ST3GAL1: variants seen among roughly 807,000 people sequenced by gnomAD.
ST3GAL1 encodes ST3 beta-galactoside alpha-2,3-sialyltransferase 1.
A neutral mutation model predicts 34.1 loss-of-function variants in ST3GAL1; 16 were observed. The ratio of observed to expected loss-of-function variants is 0.47; its 90% confidence interval spans 0.32 to 0.71. The LOEUF is 0.71. Ranked by LOEUF, ST3GAL1 falls within the 30% of genes least tolerant of loss-of-function variation. ST3GAL1 has a pLI of 0.04. For synonymous variants in ST3GAL1, 191 were observed against 184.7 expected, an observed-to-expected ratio of 1.03 and a Z score of -0.28; for missense variants, 353 against 447.4, an observed-to-expected ratio of 0.79 and a Z score of 1.90.
rs1563691496 is a variant in ST3GAL1 at position 133,459,701 on chromosome 8, C to T, written c.*63G>A. 6 of 1,538,282 alleles carry T rather than the reference C, an allele frequency of 3.9e-6. No individual in the cohort carries two copies. The highest frequency in any genetic ancestry group is 4.4e-6 in the Non-Finnish European group (5 of 1,137,880). ...AAGCTCCGGGATGGAACGGCTCCAG[C>T]AAGATGCTGGGGCTGGAAATGCAGA... On this transcript the variant is annotated 3_prime_UTR_variant, in exon 10 of 10. Coordinates refer to ENST00000522652, the MANE Select transcript of ST3GAL1 (RefSeq NM_173344.3). The surrounding 1 kb of genome is among the most constrained non-coding windows in gnomAD (Gnocchi z 4.7).
chr8:133,462,836 G>A lies in ST3GAL1; in HGVS notation c.729+578C>T, dbSNP rs148048085. On this transcript the variant is annotated intron_variant, in intron 8 of 9. Coordinates refer to ENST00000522652, the MANE Select transcript of ST3GAL1 (RefSeq NM_173344.3). ...AAAGGGCAAGATGCTGGAGGCACGG[G>A]GAGTCTTCAATTCTAGCCTTATCCA... 2.4e-3 allele frequency among the ~76,000 whole-genome samples: 359 copies of A among 152,316 alleles called. 3 individuals carry two copies. The highest frequency in any genetic ancestry group is 6.8e-3 in the Middle Eastern group (2 of 294).
At chr8:133,531,661 G>A (rs934869807) in intron 2 of ST3GAL1, among the ~76,000 whole-genome samples, 5 of 151,998 alleles carry the variant, frequency 3.3e-5, no homozygotes, top group African/African-American at 1.2e-4. Flanking sequence ...GGGCCAGTCA[G>A]GGGGTGAGGG....
intron 8 of ST3GAL1, among the ~76,000 whole-genome samples, chr8:133,462,777 G>C (rs1815559592): frequency 6.6e-6 from 1 of 152,190 alleles, no homozygotes; most frequent in Non-Finnish European, 1.5e-5. Context: ...AGACACATAA[G>C]TGGCTTCTTC....
At chr8:133,468,864 C>T (rs1815842360) in intron 5 of ST3GAL1, among the ~76,000 whole-genome samples, 1 of 152,114 alleles carries the variant, frequency 6.6e-6, no homozygotes, top group Non-Finnish European at 1.5e-5. Context: ...TCTGAGAGCC[C>T]CAGGGTAGAG....
chr8:133,546,439 T>C (rs1818672634), intron 1 of ST3GAL1, among the ~76,000 whole-genome samples: 1 of 143,588 alleles, frequency 7.0e-6, no homozygotes, highest in Admixed American at 7.3e-5. Context: ...GCCCAGATCG[T>C]GCCACTGCAC....
chr8:133,476,193 G>A (rs1414870896), intron 4 of ST3GAL1, 85 bp downstream of exon 4: 1 of 705,040 alleles, frequency 1.4e-6, no homozygotes, highest in African/African-American at 1.8e-5. Flanking sequence ...CCTGCTGGGG[G>A]ATGACCCCCA....
At chr8:133,517,646 G>A (rs913654034) in intron 2 of ST3GAL1, among the ~76,000 whole-genome samples, 3 of 152,182 alleles carry the variant, frequency 2.0e-5, no homozygotes, top group African/African-American at 4.8e-5. Context: ...CAACGCGCCC[G>A]GCCCAGACTT....
chr8:133,564,519 TACACACAC>T lies in ST3GAL1; in HGVS notation c.-582+7166_-582+7173del, dbSNP rs60855292. 3.6e-4 allele frequency among the ~76,000 whole-genome samples: 52 copies of T among 145,952 alleles called. No homozygotes were observed. The South Asian group carries it at 5.5e-3, about 15-fold the overall frequency. Reference sequence around the variant, plus strand: ...ACTTTCATGTGTTTTAAAGAGAAAATACACACACACACACACACACACACACACACACA... The same window carrying T: ...ACTTTCATGTGTTTTAAAGAGAAAATACACACACACACACACACACACACA... On this transcript the variant is annotated intron_variant, in intron 1 of 9. Coordinates refer to ENST00000522652, the MANE Select transcript of ST3GAL1 (RefSeq NM_173344.3).
chr8:133,532,873 G>A (rs553873119), intron 2 of ST3GAL1, among the ~76,000 whole-genome samples: 28 of 152,324 alleles, frequency 1.8e-4, no homozygotes, highest in African/African-American at 6.7e-4. Context: ...TGGAGGGGGT[G>A]ATAGTTTGGG....
chr8:133,567,177 T>A (rs1563746463), intron 1 of ST3GAL1: 1 of 152,216 alleles, frequency 6.6e-6, no homozygotes, highest in Non-Finnish European at 1.5e-5. Flanking sequence ...GTTCCCATTT[T>A]GCTTAGCACC....
At chr8:133,555,219 C>T (rs1037990694) in intron 1 of ST3GAL1, among the ~76,000 whole-genome samples, 5 of 152,092 alleles carry the variant, frequency 3.3e-5, no homozygotes, top group African/African-American at 1.2e-4. Flanking sequence ...CCTGGCCGGG[C>T]TTTAGTTCAT....
chr8:133,540,780 CA>C (rs1818451683), intron 2 of ST3GAL1, among the ~76,000 whole-genome samples: 1 of 80,014 alleles, frequency 1.2e-5, no homozygotes, highest in East Asian at 2.7e-4. Flanking sequence ...TATATAGAGA[CA>C]TATATATATA....
chr8:133,499,997 G>C (rs1722106561), intron 2 of ST3GAL1, among the ~76,000 whole-genome samples: 1 of 152,220 alleles, frequency 6.6e-6, no homozygotes, highest in South Asian at 2.1e-4. Flanking sequence ...AAGGAACAGA[G>C]AGACGTGAAT....
At chr8:133,504,573 ATTTGTTAGTTTG>A (rs1405799505) in intron 2 of ST3GAL1, among the ~76,000 whole-genome samples, 1 of 152,080 alleles carries the variant, frequency 6.6e-6, no homozygotes, top group Non-Finnish European at 1.5e-5. Context: ...TTGAGTCCTT[ATTTGTTAGTTTG>A]TTTTTCCCCC....
rs1048057150 is a variant in ST3GAL1 at position 133,571,847 on chromosome 8, G to C, written c.-736C>G. 2 of 153,012 alleles carry C rather than the reference G, an allele frequency of 1.3e-5. No individual in the cohort carries two copies. Among genetic ancestry groups the C allele is most frequent in the African/African-American group, 4.8e-5 (2 of 41,438 alleles). 9.5% of individuals were successfully genotyped at this position (153,012 alleles called of 1,614,324 possible). ...TCTTCTTCCTCCTCCTCCTCCCTCC[G>C]GTCTAGGGCTCTTTGTCTTTGCAAA... On this transcript the variant is annotated 5_prime_UTR_variant, in exon 1 of 10. Transcript: ENST00000522652. This position sits in a 1 kb window ranked among gnomAD's most constrained non-coding sequence, Gnocchi z 6.7.
rs866419633 is a variant in ST3GAL1, at chr8:133,495,774, C to T, written c.-374+3361G>A. Among the ~76,000 whole-genome samples, 9 of 152,336 alleles carry T rather than the reference C, an allele frequency of 5.9e-5. No homozygotes were observed. The Middle Eastern group carries it at 0.017, about 288-fold the overall frequency. ...ATAGCATGTGTGGCATCTATATGGGCGTTCTGCCTGCTCGTCATGACACTT... is the reference window on the plus strand; with the variant it reads ...ATAGCATGTGTGGCATCTATATGGGTGTTCTGCCTGCTCGTCATGACACTT... On this transcript the variant is annotated intron_variant, in intron 3 of 9. Transcript: ENST00000522652.
At chr8:133,477,336 CTGAGAGGA>C (rs1816217063) in intron 3 of ST3GAL1, among the ~76,000 whole-genome samples, 1 of 152,160 alleles carries the variant, frequency 6.6e-6, no homozygotes, top group Non-Finnish European at 1.5e-5. Flanking sequence ...CCACTAAGAG[CTGAGAGGA>C]TGAGATATTC....
rs754589752 is a variant in ST3GAL1 at position 133,556,934 on chromosome 8, C to T, written c.-581-11008G>A. 6.6e-6 allele frequency among the ~76,000 whole-genome samples: 1 copy of T among 152,058 alleles called. No individual in the cohort carries two copies. The highest frequency in any genetic ancestry group is 2.4e-5 in the African/African-American group (1 of 41,390). ...CAGGGAGACCAGATATACTGGGTCT[C>T]GAGCCTTTTATGATGTGCATGCATG... On this transcript the variant is annotated intron_variant, in intron 1 of 9. Transcript: ENST00000522652. This position sits in a 1 kb window ranked among gnomAD's most constrained non-coding sequence, Gnocchi z 8.9.
At chr8:133,507,424 AG>A (rs1817378196) in intron 2 of ST3GAL1, among the ~76,000 whole-genome samples, 2 of 152,240 alleles carry the variant, frequency 1.3e-5, no homozygotes, top group Non-Finnish European at 2.9e-5. Flanking sequence ...TTGGCCCAGG[AG>A]GGTTGGCTTC....
Sources: allele counts gnomAD v4.1 joint callset (sites outside exome capture counted in the v4.1 genomes callset), GRCh38; gene constraint gnomAD v4.1.1; non-coding constraint Gnocchi (gnomAD v3.1); transcripts MANE v1.5; gene names NCBI Gene and HGNC (gene_info 2026-07-23, HGNC 2026-07-21).